Variants in LRMDA observed in about 807,000 individuals in gnomAD.
LRMDA encodes leucine-rich melanocyte differentiation-associated protein.
Under a neutral mutation model 29.8 loss-of-function variants are expected in LRMDA, and 18 were observed. The observed-to-expected ratio is 0.60, with a 90% CI of 0.42 to 0.90. The LOEUF is 0.90. LRMDA is among the 40% of genes least tolerant of loss of function. The pLI, the probability that LRMDA is intolerant of heterozygous loss-of-function variation, is 0.00. For synonymous variants in LRMDA, 125 were observed against 109.4 expected (o/e 1.14, Z -0.89); for missense variants, 273 against 273.9 (o/e 1.00, Z 0.02).
intron 2 of LRMDA, among the ~76,000 whole-genome samples, chr10:75,967,912 C>G (rs546904371): frequency 5.9e-5 from 9 of 152,130 alleles, no homozygotes; most frequent in African/African-American, 1.9e-4. Context: ...CAGGAGGAAC[C>G]TGTAATGTGT....
chr10:76,103,494 G>A (rs1175845072), intron 5 of LRMDA, among the ~76,000 whole-genome samples: 1 of 152,034 alleles, frequency 6.6e-6, no homozygotes, highest in African/African-American at 2.4e-5. Context: ...ATTTCCAGCA[G>A]GGGGTTCTGT....
chr10:76,226,506 T>C (rs1284702796), intron 5 of LRMDA, among the ~76,000 whole-genome samples: 1 of 151,974 alleles, frequency 6.6e-6, no homozygotes, highest in Non-Finnish European at 1.5e-5. Flanking sequence ...TTGCTTGAAC[T>C]CAGGAGGCAG....
chr10:75,752,012 T>C (rs1223645905), intron 2 of LRMDA, among the ~76,000 whole-genome samples: 1 of 151,400 alleles, frequency 6.6e-6, no homozygotes, highest in East Asian at 1.9e-4. Context: ...CACTTTAATA[T>C]CTTCCTACTG....
chr10:76,177,471 C>T (rs1850961269), intron 5 of LRMDA, among the ~76,000 whole-genome samples: 1 of 151,896 alleles, frequency 6.6e-6, no homozygotes, highest in South Asian at 2.1e-4. Context: ...GTATTAGTTT[C>T]AGTAATGATG....
At chr10:76,521,851 G>A (rs972719980) in intron 6 of LRMDA, among the ~76,000 whole-genome samples, 40 of 152,286 alleles carry the variant, frequency 2.6e-4, no homozygotes, top group African/African-American at 8.4e-4. Context: ...CAAAGAGACT[G>A]TAAGGTCCTT....
intron 5 of LRMDA, among the ~76,000 whole-genome samples, chr10:76,214,405 C>G (rs1294937194): frequency 2.2e-5 from 3 of 135,562 alleles, no homozygotes; most frequent in Non-Finnish European, 4.5e-5. Context: ...TCCGCAGTGG[C>G]GCAATCTCGG....
At chr10:75,600,176 C>G (rs947540685) in intron 2 of LRMDA, among the ~76,000 whole-genome samples, 1 of 151,998 alleles carries the variant, frequency 6.6e-6, no homozygotes, top group Non-Finnish European at 1.5e-5. Context: ...CTTTTTCCCC[C>G]CAAGTAAGTC....
intron 2 of LRMDA, among the ~76,000 whole-genome samples, chr10:75,464,873 A>G (rs1314282020): frequency 6.6e-6 from 1 of 152,232 alleles, no homozygotes; most frequent in Non-Finnish European, 1.5e-5. Context: ...ATGACTCAAG[A>G]GAGCACAAAG....
intron 2 of LRMDA, among the ~76,000 whole-genome samples, chr10:75,449,442 G>A (rs1844433861): frequency 6.6e-6 from 1 of 151,196 alleles, no homozygotes; most frequent in African/African-American, 2.4e-5. Context: ...TTTTCATGGT[G>A]TAAATCTTTT....
intron 6 of LRMDA, among the ~76,000 whole-genome samples, chr10:76,422,788 C>G (rs928554267): frequency 2.0e-5 from 3 of 152,182 alleles, no homozygotes; most frequent in African/African-American, 7.2e-5. Flanking sequence ...AGTAATACCC[C>G]TGGGGCATCT....
At chr10:76,229,553 T>G (rs573763497) in intron 5 of LRMDA, among the ~76,000 whole-genome samples, 1 of 152,266 alleles carries the variant, frequency 6.6e-6, no homozygotes, top group South Asian at 2.1e-4. Context: ...GGAACTTCCC[T>G]TAGTCAGATG....
chr10:76,222,651 C>A (rs533044999), intron 5 of LRMDA, among the ~76,000 whole-genome samples: 22 of 152,288 alleles, frequency 1.4e-4, no homozygotes, highest in African/African-American at 4.8e-4. Context: ...GAAATAGGAA[C>A]ACTTTTACAC....
At position 76,557,390 on chromosome 10, in the gene LRMDA, T is replaced by C. The variant is rs1342226650; in HGVS notation, c.*102T>C. ...AGAAAAAACAATAGCCCACATTGCC[T>C]CTCTTTGGGAAAAGCTATGACTTCA... is the stretch of plus-strand genomic sequence containing the variant. On this transcript the variant is annotated 3_prime_UTR_variant, in exon 7 of 7. Coordinates refer to ENST00000611255, the MANE Select transcript of LRMDA (RefSeq NM_001305581.2). 4 of 943,804 alleles carry C rather than the reference T, an allele frequency of 4.2e-6. No individual in the cohort carries two copies. The highest frequency in any genetic ancestry group is 6.6e-6 in the Non-Finnish European group (4 of 606,376). The allele number at this position is 943,804 out of a possible 1,614,324, so 58.5% of individuals were successfully genotyped here. A position where few individuals can be genotyped will look rare whatever the true frequency, so the allele number is the denominator to read the frequency against.
intron 5 of LRMDA, among the ~76,000 whole-genome samples, chr10:76,249,425 G>A (rs560478038): frequency 4.6e-4 from 70 of 152,140 alleles, no homozygotes; most frequent in Non-Finnish European, 7.9e-4. Flanking sequence ...TTTCTTCCCT[G>A]TTGTCGTCAG....
At chr10:75,493,896 C>T (rs369609959) in intron 2 of LRMDA, among the ~76,000 whole-genome samples, 27 of 148,294 alleles carry the variant, frequency 1.8e-4, no homozygotes, top group Admixed American at 6.0e-4. Context: ...CTGAAATTTA[C>T]GTGTGTGTGT....
chr10:75,630,227 C>T (rs1371950471), intron 2 of LRMDA, among the ~76,000 whole-genome samples: 1 of 152,170 alleles, frequency 6.6e-6, no homozygotes, highest in Admixed American at 6.5e-5. Flanking sequence ...ATTGTTAAGG[C>T]AGAATTAGCT....
At chr10:75,648,094 C>A (rs1841551356) in intron 2 of LRMDA, among the ~76,000 whole-genome samples, 1 of 152,226 alleles carries the variant, frequency 6.6e-6, no homozygotes, top group African/African-American at 2.4e-5. Context: ...GATGTTCATA[C>A]TGTGATACTT....
rs981610947 is a variant in LRMDA at position 75,720,015 on chromosome 10, TTAAAA to T, written c.131+281527_131+281531del. Among the ~76,000 whole-genome samples the T allele has an allele frequency of 7.2e-5, 11 of 152,290 alleles. No homozygotes were observed. The South Asian group carries it at 1.0e-3, about 14-fold the overall frequency. On this transcript the variant is annotated intron_variant, in intron 2 of 6. Coordinates refer to ENST00000611255, the MANE Select transcript of LRMDA (RefSeq NM_001305581.2). Reference sequence around the variant, plus strand: ...CATTTACAATATCTTTCTTCTCTATTTAAAATAAAACCCAAAATTTAACAAGAGAA... The same window carrying T: ...CATTTACAATATCTTTCTTCTCTATTTAAAACCCAAAATTTAACAAGAGAA...
intron 2 of LRMDA, among the ~76,000 whole-genome samples, chr10:75,910,343 C>T (rs1180212423): frequency 6.6e-6 from 1 of 152,100 alleles, no homozygotes; most frequent in African/African-American, 2.4e-5. Context: ...ATTTCTTTTT[C>T]TAGTTAAACT....
Sources: gnomAD v4.1 joint callset for allele counts (sites outside exome capture counted in the v4.1 genomes callset) on GRCh38, gnomAD v4.1.1 for gene constraint, MANE v1.5 for transcripts, NCBI Gene and HGNC (gene_info 2026-07-23, HGNC 2026-07-21) for gene names.